RIN2: variants seen among roughly 807,000 people sequenced by gnomAD.
RIN2 encodes RAB5 interacting protein 2.
A neutral mutation model predicts 78.0 loss-of-function variants in RIN2; 36 were observed. That is an observed-to-expected ratio of 0.46 (90% CI 0.35 to 0.61). RIN2 has a LOEUF of 0.61. Among genes scored for constraint, RIN2 ranks in the 20% least tolerant of loss-of-function variants. The pLI is 0.00. For missense variants in RIN2, 1,087 were observed against 1,159.7 expected, an observed-to-expected ratio of 0.94 and a Z score of 0.91; for synonymous variants, 466 against 466.8, an observed-to-expected ratio of 1.00 and a Z score of 0.02.
chr20:19,900,068 G>A (rs899544571), intron 3 of RIN2, among the ~76,000 whole-genome samples: 1 of 152,196 alleles, frequency 6.6e-6, no homozygotes, highest in African/African-American at 2.4e-5. Flanking sequence ...CCTTCTAGAA[G>A]GAGAAACTGC....
rs552474294 is a variant in RIN2, at chr20:19,959,480, A to G, written c.352-1220A>G. 5.3e-5 allele frequency among the ~76,000 whole-genome samples: 8 copies of G among 152,292 alleles called. No individual in the cohort carries two copies. The East Asian group carries it at 7.7e-4, about 15-fold the overall frequency. Reference sequence around the variant, plus strand: ...CAGAACCTGCTACTGGATGAGTCCTATGGATGCATCCCCATGGTGCCAGGA... The same window carrying G: ...CAGAACCTGCTACTGGATGAGTCCTGTGGATGCATCCCCATGGTGCCAGGA... On this transcript the variant is annotated intron_variant, in intron 5 of 12. Coordinates refer to ENST00000255006, the MANE Select transcript of RIN2 (RefSeq NM_018993.4).
At chr20:19,871,641 G>A (rs755966840) in intron 2 of RIN2, among the ~76,000 whole-genome samples, 34 of 152,152 alleles carry the variant, frequency 2.2e-4, no homozygotes, top group Non-Finnish European at 4.4e-4. Flanking sequence ...GGCATGCATT[G>A]CCACGTGTCA....
At chr20:19,760,065 G>T (rs1323772944) in intron 1 of RIN2, among the ~76,000 whole-genome samples, 1 of 152,220 alleles carries the variant, frequency 6.6e-6, no homozygotes, top group East Asian at 1.9e-4. Flanking sequence ...TCAAATGTAG[G>T]AGGATATTGT....
intron 2 of RIN2, among the ~76,000 whole-genome samples, chr20:19,840,742 A>G (rs1469553375): frequency 2.0e-5 from 3 of 152,140 alleles, no homozygotes; most frequent in Non-Finnish European, 4.4e-5. Context: ...TTTCCTGGGG[A>G]CCCGTAGAGC....
At chr20:19,827,421 A>G (rs2036127043) in intron 2 of RIN2, among the ~76,000 whole-genome samples, 1 of 152,220 alleles carries the variant, frequency 6.6e-6, no homozygotes, top group Non-Finnish European at 1.5e-5. Context: ...GAATTCCAAG[A>G]GCAATCATCT....
chr20:19,826,001 T>G (rs560028863), intron 2 of RIN2, among the ~76,000 whole-genome samples: 1 of 152,210 alleles, frequency 6.6e-6, no homozygotes, highest in Non-Finnish European at 1.5e-5. Context: ...ATAATTTTAT[T>G]TCATTTTTCA....
At chr20:19,822,541 C>A (rs542550008) in intron 2 of RIN2, among the ~76,000 whole-genome samples, 1 of 152,330 alleles carries the variant, frequency 6.6e-6, no homozygotes, top group African/African-American at 2.4e-5. Flanking sequence ...CAAATGTCTT[C>A]ATTCCATCCG....
intron 1 of RIN2, among the ~76,000 whole-genome samples, chr20:19,761,082 C>G (rs1252662630): frequency 2.6e-5 from 4 of 152,202 alleles, no homozygotes; most frequent in Non-Finnish European, 5.9e-5. Flanking sequence ...AGTATACCCT[C>G]AGGACTGTAA....
chr20:20,001,790 A>G lies in RIN2; in HGVS notation c.*854A>G, dbSNP rs907790734. 6.6e-6 allele frequency: 1 copy of G among 152,640 alleles called. No homozygotes were observed. The highest frequency in any genetic ancestry group is 1.5e-5 in the Non-Finnish European group (1 of 68,034). 9.5% of individuals were successfully genotyped at this position (152,640 alleles called of 1,614,324 possible). A position where few individuals can be genotyped will look rare whatever the true frequency, so the allele number is the denominator to read the frequency against. On this transcript the variant is annotated 3_prime_UTR_variant, in exon 13 of 13. Transcript: ENST00000255006. ...AATGTAGAGAGAGGTAGAGAGAGAA[A>G]TATGAACTCTAACAAAGGACTGAGG...
At chr20:19,885,395 G>A (rs1049785319) in intron 2 of RIN2, among the ~76,000 whole-genome samples, 5 of 152,194 alleles carry the variant, frequency 3.3e-5, no homozygotes, top group African/African-American at 1.2e-4. Context: ...GCCGGGAGCG[G>A]TGGCTCATGC....
chr20:19,762,489 C>T (rs943391265), intron 1 of RIN2, among the ~76,000 whole-genome samples: 7 of 152,052 alleles, frequency 4.6e-5, no homozygotes, highest in East Asian at 1.9e-4. Flanking sequence ...GTAGATTTTT[C>T]GAAAGCACAA....
At chr20:19,989,095 AT>A (rs2042714138) in intron 9 of RIN2, among the ~76,000 whole-genome samples, 1 of 152,174 alleles carries the variant, frequency 6.6e-6, no homozygotes. Context: ...TAACTACAGT[AT>A]AATTATCAGA....
rs546002950 is a variant in RIN2 at position 19,829,330 on chromosome 20, G to T, written c.-37+29583G>T. On this transcript the variant is annotated intron_variant, in intron 2 of 12. Transcript: ENST00000255006. ...CTTATTAATTTGTAGGACTTTGGGG[G>T]CATGATAGGAGATGAAGCCAAAAAA... 1.7e-4 allele frequency among the ~76,000 whole-genome samples: 26 copies of T among 152,184 alleles called. No homozygotes were observed. The South Asian group carries it at 5.0e-3, about 29-fold the overall frequency.
At chr20:19,960,030 T>C (rs2041685679) in intron 5 of RIN2, among the ~76,000 whole-genome samples, 1 of 152,188 alleles carries the variant, frequency 6.6e-6, no homozygotes, top group Non-Finnish European at 1.5e-5. Context: ...GAGTCAGGAA[T>C]AAATGGACAG....
At chr20:19,886,506 A>AGCTCC (rs1201597084) in intron 2 of RIN2, 1 of 558,196 alleles carries the variant, frequency 1.8e-6, no homozygotes, top group East Asian at 2.9e-5. Flanking sequence ...CAACGCGACC[A>AGCTCC]GCTCCGTTTA....
intron 2 of RIN2, among the ~76,000 whole-genome samples, chr20:19,883,220 G>C (rs189298909): frequency 6.6e-6 from 1 of 152,264 alleles, no homozygotes; most frequent in East Asian, 1.9e-4. Context: ...AATAAGGGAT[G>C]CCTGCAGGGG....
chr20:19,839,465 C>A (rs6035455), intron 2 of RIN2, among the ~76,000 whole-genome samples: 29 of 152,326 alleles, frequency 1.9e-4, no homozygotes, highest in African/African-American at 7.0e-4. Flanking sequence ...CATAACCCAG[C>A]CAAAGTCACA....
chr20:19,838,054 A>T (rs181057454), intron 2 of RIN2, among the ~76,000 whole-genome samples: 2 of 152,316 alleles, frequency 1.3e-5, no homozygotes, highest in African/African-American at 4.8e-5. Flanking sequence ...TTTTTTAATT[A>T]AAAAATTATC....
intron 3 of RIN2, among the ~76,000 whole-genome samples, chr20:19,926,540 C>G (rs1029848412): frequency 1.3e-5 from 2 of 152,014 alleles, no homozygotes; most frequent in East Asian, 1.9e-4. Context: ...AGGTACCCAC[C>G]ACACCAGGAG....
Sources: allele counts gnomAD v4.1 joint callset (sites outside exome capture counted in the v4.1 genomes callset), GRCh38; gene constraint gnomAD v4.1.1; transcripts MANE v1.5; gene names NCBI Gene and HGNC (gene_info 2026-07-23, HGNC 2026-07-21).